The following ZSCAN25 variants were observed in gnomAD, a reference collection of about 807,000 sequenced individuals.
The protein encoded by ZSCAN25 is zinc finger and SCAN domain-containing protein 25.
ZSCAN25 carries 27 observed loss-of-function variants against 38.7 expected under a neutral mutation model. That is an observed-to-expected ratio of 0.70 (90% CI 0.51 to 0.96). The LOEUF is 0.96. ZSCAN25 is among the 40% of genes least tolerant of loss of function. The pLI, the probability that ZSCAN25 is intolerant of heterozygous loss-of-function variation, is 0.00. For synonymous variants in ZSCAN25, 273 were observed against 277.7 expected (o/e 0.98, Z 0.17); for missense variants, 637 against 705.9 (o/e 0.90, Z 1.11).
At chr7:99,688,363 G>A in the ZSCAN25 span, among the ~76,000 whole-genome samples, 1 of 152,140 alleles carries the variant, frequency 6.6e-6, no homozygotes, top group East Asian at 1.9e-4. Context: ...AAAGGCAGGG[G>A]TTGGAATCCT....
the ZSCAN25 span, among the ~76,000 whole-genome samples, chr7:99,700,339 G>C: frequency 6.6e-6 from 1 of 152,128 alleles, no homozygotes; most frequent in Admixed American, 6.5e-5. Context: ...GGAGCCATTG[G>C]CATGAAGCCT....
the ZSCAN25 span, chr7:99,638,480 G>A: frequency 2.4e-5 from 37 of 1,516,902 alleles, no homozygotes; most frequent in South Asian, 1.7e-4. Context: ...AAGCCTCATC[G>A]GTGCGGTGGC....
At chr7:99,676,994 G>A in the ZSCAN25 span, among the ~76,000 whole-genome samples, 2 of 152,088 alleles carry the variant, frequency 1.3e-5, no homozygotes, top group African/African-American at 4.8e-5. Context: ...TACTTCTCAG[G>A]TCATACTCAC....
At chr7:99,665,366 C>G in the ZSCAN25 span, 1 of 1,606,070 alleles carries the variant, frequency 6.2e-7, no homozygotes, top group Non-Finnish European at 8.5e-7. Flanking sequence ...TACCGTCCTT[C>G]CACTATACAT....
At chr7:99,662,135 A>G in the ZSCAN25 span, among the ~76,000 whole-genome samples, 1 of 152,240 alleles carries the variant, frequency 6.6e-6, no homozygotes, top group Non-Finnish European at 1.5e-5. This position sits in a 1 kb window ranked among gnomAD's most constrained non-coding sequence, Gnocchi z 4.3. Flanking sequence ...TTAAAGTGGT[A>G]TACTGGAGTC....
At chr7:99,663,960 G>C in the ZSCAN25 span, 1 of 1,579,984 alleles carries the variant, frequency 6.3e-7, no homozygotes, top group Non-Finnish European at 8.5e-7. Context: ...ACCACCATCA[G>C]ATTTTACCTT....
At chr7:99,714,701 A>T in the ZSCAN25 span, 1 of 1,608,234 alleles carries the variant, frequency 6.2e-7, no homozygotes, top group Non-Finnish European at 8.5e-7. Flanking sequence ...AAAAAAAACC[A>T]ACAGAAAACG....
rs1480832572 is a variant in ZSCAN25 at position 99,621,400 on chromosome 7, G to A, written c.415G>A (p.Glu139Lys). The change falls in exon 5 of 8, where the codon GAG becomes AAG. Residue 139 changes from glutamate to lysine, a missense_variant. By Grantham distance (56) the Glu-to-Lys change is moderately conservative (BLOSUM62 1). Coordinates refer to ENST00000394152, the MANE Select transcript of ZSCAN25 (RefSeq NM_145115.3). Reference protein sequence around the residue: ...AVPCHRQGEQEETALCRGAWE... With the variant: ...AVPCHRQGEQKETALCRGAWE... The stretch of plus-strand genomic sequence containing the variant: ...TCCATGCCACAGGCAGGGAGAGCAG[G>A]AGGAAACAGCACTTTGCAGAGGCGC... The A allele has an allele frequency of 6.8e-7, 1 of 1,478,530 alleles. No individual in the cohort carries two copies. The highest frequency in any genetic ancestry group is 1.4e-5 in the South Asian group (1 of 71,052). 91.6% of individuals were successfully genotyped at this position (1,478,530 alleles called of 1,614,324 possible).
At chr7:99,623,057 C>T (rs1325629123) in intron 6 of ZSCAN25, among the ~76,000 whole-genome samples, 1 of 152,202 alleles carries the variant, frequency 6.6e-6, no homozygotes, top group Non-Finnish European at 1.5e-5. Flanking sequence ...CCACCCACTT[C>T]GGCCTCCCAA....
At position 99,618,508 on chromosome 7, in the gene ZSCAN25, T is replaced by G. The variant is rs183282905; in HGVS notation, c.-258-17T>G. Reference sequence around the variant, plus strand: ...TTTGTCATAATGGTATATATGTTGCTCCATTGTCTTTTTCAGGTTGAGCGC... The same window carrying G: ...TTTGTCATAATGGTATATATGTTGCGCCATTGTCTTTTTCAGGTTGAGCGC... On this transcript the variant is annotated splice_polypyrimidine_tract_variant and intron_variant, in intron 1 of 7. Transcript: ENST00000394152. 6.6e-6 allele frequency: 1 copy of G among 152,366 alleles called. No homozygotes were observed. Among genetic ancestry groups the G allele is most frequent in the East Asian group, 1.9e-4 (1 of 5,190 alleles). The allele number at this position is 152,366 out of a possible 1,614,324, so 9.4% of individuals were successfully genotyped here.
At chr7:99,685,578 G>A in the ZSCAN25 span, among the ~76,000 whole-genome samples, 324 of 152,322 alleles carry the variant, frequency 2.1e-3, 1 homozygote, top group African/African-American at 7.3e-3. Flanking sequence ...TTCGCAAAGC[G>A]TTTGTGATAG....
chr7:99,643,289 C>T, the ZSCAN25 span, among the ~76,000 whole-genome samples: 7 of 152,110 alleles, frequency 4.6e-5, no homozygotes, highest in East Asian at 5.8e-4. Flanking sequence ...TCTAGAAAGG[C>T]GTTTGCCATA....
chr7:99,649,228 T>C, the ZSCAN25 span, among the ~76,000 whole-genome samples: 2 of 152,126 alleles, frequency 1.3e-5, no homozygotes, highest in Admixed American at 1.3e-4. Context: ...AATACACACA[T>C]AGGAAAGCTA....
At chr7:99,709,754 G>C in the ZSCAN25 span, among the ~76,000 whole-genome samples, 6 of 147,846 alleles carry the variant, frequency 4.1e-5, no homozygotes, top group Admixed American at 3.5e-4. Flanking sequence ...CAGTTACAAA[G>C]CAGGATTTGT....
chr7:99,735,654 C>G, the ZSCAN25 span, among the ~76,000 whole-genome samples: 5 of 152,218 alleles, frequency 3.3e-5, no homozygotes, highest in Admixed American at 2.0e-4. Context: ...CCAACCCCCT[C>G]ACACAGAAGT....
At chr7:99,727,151 A>G in the ZSCAN25 span, among the ~76,000 whole-genome samples, 337 of 151,978 alleles carry the variant, frequency 2.2e-3, 5 homozygotes, top group Admixed American at 0.013. Context: ...ACTCATCCCA[A>G]CTCTTTTCAT....
the ZSCAN25 span, chr7:99,652,737 C>T: frequency 3.1e-6 from 5 of 1,613,966 alleles, no homozygotes; most frequent in African/African-American, 5.3e-5. Context: ...ACCACCATGT[C>T]AAGGTACTCC....
chr7:99,731,613 G>GGGTC, the ZSCAN25 span, among the ~76,000 whole-genome samples: 1 of 152,140 alleles, frequency 6.6e-6, no homozygotes, highest in Admixed American at 6.5e-5. Flanking sequence ...CAGTCACAGG[G>GGGTC]GGTCACTGAG....
At chr7:99,626,061 C>T (rs945113692) in intron 7 of ZSCAN25, among the ~76,000 whole-genome samples, 1 of 152,220 alleles carries the variant, frequency 6.6e-6, no homozygotes, top group Non-Finnish European at 1.5e-5. Flanking sequence ...AGATCACTTC[C>T]AGTTGTTCGT....
Sources: allele counts gnomAD v4.1 joint callset (sites outside exome capture counted in the v4.1 genomes callset), GRCh38; gene constraint gnomAD v4.1.1; non-coding constraint Gnocchi (gnomAD v3.1); transcripts MANE v1.5; gene names NCBI Gene and HGNC (gene_info 2026-07-23, HGNC 2026-07-21).